C8A: variants seen among roughly 807,000 people sequenced by gnomAD.
The protein encoded by C8A is complement component C8 alpha chain.
A neutral mutation model predicts 65.3 loss-of-function variants in C8A; 67 were observed. That is an observed-to-expected ratio of 1.03 (90% CI 0.84 to 1.26). C8A has a LOEUF of 1.26. Among genes scored for constraint, C8A ranks in the 50% most tolerant of loss-of-function variants. The pLI is 0.00. For missense variants in C8A, 781 were observed against 723.9 expected, an observed-to-expected ratio of 1.08 and a Z score of -0.90; for synonymous variants, 290 against 259.4, an observed-to-expected ratio of 1.12 and a Z score of -1.13.
At chr1:56,895,297 A>G (rs1644379887) in intron 7 of C8A, among the ~76,000 whole-genome samples, 1 of 152,158 alleles carries the variant, frequency 6.6e-6, no homozygotes, top group Non-Finnish European at 1.5e-5. Context: ...TAGGGTAAAC[A>G]CCTTAAATGC....
intron 7 of C8A, among the ~76,000 whole-genome samples, chr1:56,899,094 A>G (rs1570345773): frequency 2.0e-5 from 3 of 152,230 alleles, no homozygotes; most frequent in Admixed American, 2.0e-4. Context: ...CTTCACGGTG[A>G]TGGATGGTAT....
intron 9 of C8A, among the ~76,000 whole-genome samples, chr1:56,910,372 C>A (rs1025043174): frequency 2.6e-5 from 4 of 152,184 alleles, no homozygotes; most frequent in Admixed American, 2.6e-4. Context: ...CTGCCAATAC[C>A]TTTTCAAGCT....
At chr1:56,861,207 G>A (rs964841701) in intron 1 of C8A, among the ~76,000 whole-genome samples, 7 of 152,154 alleles carry the variant, frequency 4.6e-5, no homozygotes, top group Non-Finnish European at 4.4e-5. Flanking sequence ...GAAAGACAAA[G>A]TGCTTGCTCT....
At chr1:56,879,012 T>C (rs946772345) in intron 4 of C8A, among the ~76,000 whole-genome samples, 1 of 152,228 alleles carries the variant, frequency 6.6e-6, no homozygotes, top group Non-Finnish European at 1.5e-5. Flanking sequence ...TATTCTTCTA[T>C]AACATAGTTA....
chr1:56,879,278 C>A (rs1644228563), intron 4 of C8A, among the ~76,000 whole-genome samples: 1 of 152,144 alleles, frequency 6.6e-6, no homozygotes, highest in Non-Finnish European at 1.5e-5. Context: ...TTTCCTCTTA[C>A]AAAAATGCTG....
chr1:56,874,299 C>G (rs74075631), intron 2 of C8A, among the ~76,000 whole-genome samples: 2,595 of 152,224 alleles, frequency 0.017, 98 homozygotes, highest in African/African-American at 0.06. Context: ...TGGTTCATAC[C>G]CACACATCCC....
chr1:56,908,611 C>T (rs17114560), intron 9 of C8A, among the ~76,000 whole-genome samples: 10,173 of 152,150 alleles, frequency 0.067, 557 homozygotes, highest in African/African-American at 0.14. Flanking sequence ...AAAGGCCATA[C>T]AAAAATAAGC....
At chr1:56,896,485 G>C (rs1429751447) in intron 7 of C8A, among the ~76,000 whole-genome samples, 1 of 152,160 alleles carries the variant, frequency 6.6e-6, no homozygotes, top group Non-Finnish European at 1.5e-5. Flanking sequence ...CAATGTTCCA[G>C]GTTGAAGAAA....
At chr1:56,855,641 T>C (rs1161885270) in intron 1 of C8A, among the ~76,000 whole-genome samples, 2 of 152,034 alleles carry the variant, frequency 1.3e-5, no homozygotes, top group Non-Finnish European at 2.9e-5. Flanking sequence ...CATGGGTTTT[T>C]TTTTTTTGGT....
chr1:56,886,219 C>T, intron 7 of C8A, 52 bp downstream of exon 7: 1 of 1,609,718 alleles, frequency 6.2e-7, no homozygotes, highest in Non-Finnish European at 8.5e-7. Flanking sequence ...GACACCAGGT[C>T]ATGGTTTGAA....
At chr1:56,903,752 C>G (rs531657922) in intron 7 of C8A, among the ~76,000 whole-genome samples, 2 of 152,290 alleles carry the variant, frequency 1.3e-5, no homozygotes, top group South Asian at 4.2e-4. Flanking sequence ...ATCCAAGATC[C>G]AATGAAGAGG....
At chr1:56,867,187 T>C (rs1438170683) in intron 1 of C8A, among the ~76,000 whole-genome samples, 1 of 152,166 alleles carries the variant, frequency 6.6e-6, no homozygotes, top group African/African-American at 2.4e-5. Flanking sequence ...AATGTAGTTT[T>C]ATAGATGGGA....
chr1:56,885,345 A>T (rs1341633922), intron 6 of C8A, among the ~76,000 whole-genome samples: 1 of 95,836 alleles, frequency 1.0e-5, no homozygotes, highest in Non-Finnish European at 2.1e-5. Context: ...TATTTACATA[A>T]ATATATATTT....
chr1:56,902,752 T>C (rs1183154288), intron 7 of C8A, among the ~76,000 whole-genome samples: 3 of 152,186 alleles, frequency 2.0e-5, no homozygotes, highest in African/African-American at 7.2e-5. Flanking sequence ...CTTTATCCTT[T>C]TGTGACTGGC....
At position 56,912,435 on chromosome 1, in the gene C8A, A is replaced by G. The variant is rs1644515753; in HGVS notation, c.1413A>G (p.Thr471=). 1 of 1,614,188 alleles carries G rather than the reference A, an allele frequency of 6.2e-7. No homozygotes were observed. Among genetic ancestry groups the G allele is most frequent in the East Asian group, 2.2e-5 (1 of 44,884 alleles). The change falls in exon 10 of 11, where the codon ACA becomes ACG. Residue 471 remains threonine (T), a synonymous_variant. Coordinates refer to ENST00000361249, the MANE Select transcript of C8A (RefSeq NM_000562.3). Reference sequence around the variant, plus strand: ...CTATCCACGAGGTGCTGCGGCACACAAGCCTGGGGCCTCTGGAGGCCAAGC... The same window carrying G: ...CTATCCACGAGGTGCTGCGGCACACGAGCCTGGGGCCTCTGGAGGCCAAGC... ...MQPIHEVLRH[T]SLGPLEAKRQ... is the part of the protein sequence containing the mutation.
intron 7 of C8A, among the ~76,000 whole-genome samples, chr1:56,894,635 C>A (rs2101270434): frequency 6.6e-6 from 1 of 152,234 alleles, no homozygotes; most frequent in East Asian, 1.9e-4. Flanking sequence ...AAAACCTCAC[C>A]AAAGTTAATG....
Position 56,907,960 on chromosome 1 carries a change from G to A in C8A, c.1227G>A (p.Arg409=), listed in dbSNP as rs761297594. The change falls in exon 9 of 11, where the codon AGG becomes AGA. Residue 409 remains arginine (R), a synonymous_variant. Transcript: ENST00000361249. ...CKKFGGGKTE[R]ARKAMAVEDI... is the part of the protein sequence containing the mutation. ...AGTTTATCCTCTTGATGGCAGAAAG[G>A]GCCAGGAAGGCCATGGCTGTGGAAG... 6.2e-7 allele frequency: 1 copy of A among 1,614,142 alleles called. No individual in the cohort carries two copies.
rs1644185986 is a variant in C8A, at chr1:56,875,103, A to T, written c.316+10A>T. 1 of 1,612,820 alleles carries T rather than the reference A, an allele frequency of 6.2e-7. No individual in the cohort carries two copies. On this transcript the variant is annotated intron_variant, in intron 3 of 10. Coordinates refer to ENST00000361249, the MANE Select transcript of C8A (RefSeq NM_000562.3). ...CAGTGTAAGGAGACAGGTGAGTAGC[A>T]TTTCAGCAGAATAACAGCTGTGCCT...
intron 7 of C8A, among the ~76,000 whole-genome samples, chr1:56,901,311 T>C (rs1644424693): frequency 6.6e-6 from 1 of 152,190 alleles, no homozygotes; most frequent in Non-Finnish European, 1.5e-5. Context: ...GATAATGAAC[T>C]ACACCTGCTG....
Sources: allele counts gnomAD v4.1 joint callset (sites outside exome capture counted in the v4.1 genomes callset), GRCh38; gene constraint gnomAD v4.1.1; transcripts MANE v1.5; gene names NCBI Gene and HGNC (gene_info 2026-07-23, HGNC 2026-07-21).